The following DCAF1 variants were observed in gnomAD, a reference collection of about 807,000 sequenced individuals.
The protein encoded by DCAF1 is DDB1- and CUL4-associated factor 1.
In DCAF1, 15 loss-of-function variants were observed where a neutral mutation model predicts 128.0. The ratio of observed to expected loss-of-function variants is 0.12; its 90% CI spans 0.08 to 0.18. The LOEUF (loss-of-function observed/expected upper bound fraction) is 0.18. Among genes scored for constraint, DCAF1 ranks in the 10% least tolerant of loss-of-function variants. DCAF1 has a pLI of 1.00. For missense variants in DCAF1, 988 were observed against 1,649.5 expected (o/e 0.60, Z 6.95); for synonymous variants, 610 against 603.0 (o/e 1.01, Z -0.17).
At chr3:51,487,675 T>A (rs537069840) in intron 2 of DCAF1, among the ~76,000 whole-genome samples, 1 of 152,068 alleles carries the variant, frequency 6.6e-6, no homozygotes, top group East Asian at 1.9e-4. Flanking sequence ...TCTTCTCTCC[T>A]CTTTCTCTCT....
chr3:51,467,888 T>C (rs1704301985), intron 4 of DCAF1, among the ~76,000 whole-genome samples: 2 of 152,078 alleles, frequency 1.3e-5, no homozygotes, highest in African/African-American at 4.8e-5. Context: ...GTAGGAAGCA[T>C]GCTTCTATTG....
chr3:51,420,339 G>A lies in DCAF1; in HGVS notation c.2631C>T (p.Pro877=). ...ATVLTKEADL[P]MTAASHSSAF... is the part of the protein sequence containing the mutation. ...CAGAAGAATGGGAGGCAGCAGTCAT[G>A]GGCAGGTCAGCCTCTTTTGTCAGCA... The change falls in exon 15 of 25, where the codon CCC becomes CCT. Residue 877 remains proline (P), a synonymous_variant. Coordinates refer to ENST00000684031, the MANE Select transcript of DCAF1 (RefSeq NM_001387579.1). This position sits in a 1 kb window ranked among gnomAD's most constrained non-coding sequence, Gnocchi z 6.5. The A allele has an allele frequency of 6.2e-7, 1 of 1,614,042 alleles. No homozygotes were observed. Among genetic ancestry groups the A allele is most frequent in the Non-Finnish European group, 8.5e-7 (1 of 1,179,908 alleles).
At chr3:51,496,555 T>A (rs928755277) in intron 2 of DCAF1, among the ~76,000 whole-genome samples, 179 bp downstream of exon 2, 1 of 151,788 alleles carries the variant, frequency 6.6e-6, no homozygotes, top group Non-Finnish European at 1.5e-5. Flanking sequence ...TTAGTGAATA[T>A]CTAGTATGGG....
chr3:51,436,708 G>C (rs1553636821), intron 9 of DCAF1, among the ~76,000 whole-genome samples: 1 of 152,148 alleles, frequency 6.6e-6, no homozygotes. Flanking sequence ...GAAGCACCAA[G>C]AGGACAAAAG....
At chr3:51,456,037 T>C (rs1702865642) in intron 6 of DCAF1, among the ~76,000 whole-genome samples, 1 of 152,184 alleles carries the variant, frequency 6.6e-6, no homozygotes. Flanking sequence ...TTCATCTCAC[T>C]GGGGAGTGCC....
chr3:51,488,951 C>G (rs901446671), intron 2 of DCAF1, among the ~76,000 whole-genome samples: 1 of 152,044 alleles, frequency 6.6e-6, no homozygotes, highest in African/African-American at 2.4e-5. Flanking sequence ...CGCGACAGGG[C>G]GAGACTCCGT....
At chr3:51,403,596 G>C (rs1209994710) in intron 23 of DCAF1, among the ~76,000 whole-genome samples, 1 of 152,214 alleles carries the variant, frequency 6.6e-6, no homozygotes, top group Non-Finnish European at 1.5e-5. Context: ...GACGGTCAAA[G>C]CACCCCTCAG....
intron 6 of DCAF1, 37 bp from the exon 7 acceptor site, chr3:51,443,940 A>C (rs1701602548): frequency 5.2e-6 from 8 of 1,540,556 alleles, no homozygotes; most frequent in South Asian, 1.3e-5. Context: ...ATTTCGGAAA[A>C]AGCCCAAGTT....
intron 23 of DCAF1, among the ~76,000 whole-genome samples, chr3:51,412,004 T>G (rs933825481): frequency 1.3e-5 from 2 of 150,374 alleles, no homozygotes; most frequent in East Asian, 3.9e-4. Context: ...TCCCAGCTAC[T>G]TGGGAGGCTG....
chr3:51,501,101 G>A (rs1416382435), upstream of DCAF1, among the ~76,000 whole-genome samples: 1 of 152,200 alleles, frequency 6.6e-6, no homozygotes, highest in Non-Finnish European at 1.5e-5. Flanking sequence ...ACAGGCATGA[G>A]CCACTGCACC....
At chr3:51,458,033 A>G (rs1162100125) in intron 6 of DCAF1, among the ~76,000 whole-genome samples, 9 of 152,236 alleles carry the variant, frequency 5.9e-5, no homozygotes, top group Non-Finnish European at 8.8e-5. Flanking sequence ...AGCTAACATC[A>G]TAATGACAGG....
At chr3:51,457,468 A>G (rs1703049484) in intron 6 of DCAF1, among the ~76,000 whole-genome samples, 1 of 152,212 alleles carries the variant, frequency 6.6e-6, no homozygotes, top group South Asian at 2.1e-4. Flanking sequence ...GGGAGAATGG[A>G]ACCAAGTTGG....
intron 23 of DCAF1, among the ~76,000 whole-genome samples, chr3:51,406,342 C>CAAAAA (rs782324969): frequency 2.1e-5 from 1 of 48,198 alleles, no homozygotes; most frequent in Non-Finnish European, 3.9e-5. Context: ...GACTCTGTCT[C>CAAAAA]AAAAAAAAAA....
intron 24 of DCAF1, among the ~76,000 whole-genome samples, chr3:51,399,656 G>C (rs185652079): frequency 7.8e-4 from 119 of 151,938 alleles, no homozygotes; most frequent in Admixed American, 3.2e-3. Flanking sequence ...ACCATGTCTG[G>C]CTGATCAAAA....
At chr3:51,460,125 T>C (rs1703379470) in intron 6 of DCAF1, among the ~76,000 whole-genome samples, 1 of 152,218 alleles carries the variant, frequency 6.6e-6, no homozygotes, top group Non-Finnish European at 1.5e-5. Flanking sequence ...TTGTCCCTGT[T>C]GGCAGATGAC....
chr3:51,448,787 AG>A (rs1553640842), intron 6 of DCAF1, among the ~76,000 whole-genome samples: 1 of 152,224 alleles, frequency 6.6e-6, no homozygotes, highest in African/African-American at 2.4e-5. Flanking sequence ...AAGATCAATA[AG>A]GAAACAGAGA....
At chr3:51,481,422 T>C (rs908185216) in intron 3 of DCAF1, among the ~76,000 whole-genome samples, 1 of 152,190 alleles carries the variant, frequency 6.6e-6, no homozygotes. Context: ...CCAGGCGCAA[T>C]GGCTCACTCC....
Position 51,445,470 on chromosome 3 carries a change from G to A in DCAF1, c.376-1567C>T, listed in dbSNP as rs190686022. 2.6e-3 allele frequency among the ~76,000 whole-genome samples: 393 copies of A among 152,212 alleles called. 1 individual carries two copies. The highest frequency in any genetic ancestry group is 3.7e-3 in the Non-Finnish European group (255 of 68,008). On this transcript the variant is annotated intron_variant, in intron 6 of 24. Coordinates refer to ENST00000684031, the MANE Select transcript of DCAF1 (RefSeq NM_001387579.1). Reference sequence around the variant, plus strand: ...ATCCTCATATCAAGCCTGTGTGATTGGGCAGGTACTATATTTGCAGATGAG... The same window carrying A: ...ATCCTCATATCAAGCCTGTGTGATTAGGCAGGTACTATATTTGCAGATGAG...
At chr3:51,488,819 T>C (rs1707284371) in intron 2 of DCAF1, among the ~76,000 whole-genome samples, 1 of 151,208 alleles carries the variant, frequency 6.6e-6, no homozygotes. Flanking sequence ...AAAAAAATTA[T>C]CCGGGCGTGG....
Sources: allele counts gnomAD v4.1 joint callset (sites outside exome capture counted in the v4.1 genomes callset), GRCh38; gene constraint gnomAD v4.1.1; non-coding constraint Gnocchi (gnomAD v3.1); transcripts MANE v1.5; gene names NCBI Gene and HGNC (gene_info 2026-07-23, HGNC 2026-07-21).